Variants in CSMD1 observed in about 807,000 individuals in gnomAD.
CSMD1 encodes CUB and Sushi multiple domains 1.
In CSMD1, 213 loss-of-function variants were observed where a neutral mutation model predicts 417.5. The observed-to-expected ratio is 0.51, with a 90% CI of 0.46 to 0.57. CSMD1 has a LOEUF of 0.57. CSMD1 is among the 20% of genes least tolerant of loss of function. CSMD1 has a pLI of 0.00. For synonymous variants in CSMD1, 2,862 were observed against 1,736.8 expected (o/e 1.65, Z -16.11); for missense variants, 6,923 against 4,529.7 (o/e 1.53, Z -15.17).
intron 46 of CSMD1, among the ~76,000 whole-genome samples, chr8:3,098,890 T>G (rs1393155497): frequency 6.8e-6 from 1 of 146,622 alleles, no homozygotes; most frequent in Non-Finnish European, 1.5e-5. Flanking sequence ...TATACACAAT[T>G]TTTTTTTTTT....
intron 1 of CSMD1, among the ~76,000 whole-genome samples, chr8:4,655,495 G>A (rs1171528918): frequency 2.0e-5 from 3 of 152,242 alleles, no homozygotes; most frequent in East Asian, 3.9e-4. Context: ...TAAAATCTAT[G>A]ATGATCAGAA....
chr8:4,086,556 C>A (rs970275349), intron 3 of CSMD1, among the ~76,000 whole-genome samples: 1 of 152,154 alleles, frequency 6.6e-6, no homozygotes, highest in South Asian at 2.1e-4. Context: ...AAATAGGGCC[C>A]ACAGAGTTAC....
chr8:3,491,201 G>C (rs1221843043), intron 11 of CSMD1, among the ~76,000 whole-genome samples: 2 of 152,124 alleles, frequency 1.3e-5, no homozygotes, highest in Admixed American at 1.3e-4. Context: ...AGCATGGTAG[G>C]TCCACAGGCG....
intron 10 of CSMD1, among the ~76,000 whole-genome samples, chr8:3,522,213 T>C (rs1797538517): frequency 6.6e-6 from 1 of 152,208 alleles, no homozygotes; most frequent in Non-Finnish European, 1.5e-5. Context: ...TTTTTATTAT[T>C]TTATCTTACA....
At chr8:3,636,302 GTACAGGCCGGGAT>G (rs1232911197) in intron 7 of CSMD1, among the ~76,000 whole-genome samples, 1 of 152,132 alleles carries the variant, frequency 6.6e-6, no homozygotes, top group Non-Finnish European at 1.5e-5. Flanking sequence ...TGAGGCTGTT[GTACAGGCCGGGAT>G]TACAGGCATG....
At chr8:4,249,708 G>T (rs887900779) in intron 3 of CSMD1, among the ~76,000 whole-genome samples, 2 of 152,186 alleles carry the variant, frequency 1.3e-5, no homozygotes, top group African/African-American at 2.4e-5. Flanking sequence ...AAAGCTGGAA[G>T]ACTTGGCCTC....
chr8:3,450,611 A>G (rs1211453232), intron 12 of CSMD1, among the ~76,000 whole-genome samples: 1 of 151,656 alleles, frequency 6.6e-6, no homozygotes, highest in Non-Finnish European at 1.5e-5. Context: ...CATGGTTTCC[A>G]GCTTCATCCA....
intron 1 of CSMD1, among the ~76,000 whole-genome samples, chr8:4,734,513 A>T (rs1810100093): frequency 6.6e-6 from 1 of 152,222 alleles, no homozygotes; most frequent in Non-Finnish European, 1.5e-5. Context: ...TCTACAAAAT[A>T]ATAACTGTTG....
At chr8:4,813,639 T>C (rs1206403271) in intron 1 of CSMD1, among the ~76,000 whole-genome samples, 2 of 152,222 alleles carry the variant, frequency 1.3e-5, no homozygotes, top group East Asian at 1.9e-4. Flanking sequence ...TCCAGAGCTG[T>C]AATAACATCA....
At chr8:3,295,992 T>C (rs188593722) in intron 25 of CSMD1, among the ~76,000 whole-genome samples, 4 of 152,076 alleles carry the variant, frequency 2.6e-5, no homozygotes, top group East Asian at 1.9e-4. Context: ...AGGGAAGAGA[T>C]AGGCAAACCA....
At chr8:4,349,116 A>G (rs1278509168) in intron 3 of CSMD1, among the ~76,000 whole-genome samples, 1 of 152,260 alleles carries the variant, frequency 6.6e-6, no homozygotes, top group African/African-American at 2.4e-5. Flanking sequence ...TTTGAAGATA[A>G]GTAAAATTCA....
intron 37 of CSMD1, among the ~76,000 whole-genome samples, chr8:3,177,663 G>T (rs1320100022): frequency 6.6e-6 from 1 of 152,038 alleles, no homozygotes; most frequent in Non-Finnish European, 1.5e-5. Flanking sequence ...TAAAAAAACA[G>T]ATGGGGTAAA....
chr8:3,396,523 G>A, intron 16 of CSMD1, 142 bp from the exon 17 acceptor site: 1 of 600,568 alleles, frequency 1.7e-6, no homozygotes, highest in East Asian at 2.9e-5. Flanking sequence ...CTTAAAACTT[G>A]GGTACAAATA....
Position 3,262,962 on chromosome 8 carries a change from G to A in CSMD1, c.4153+21182C>T, listed in dbSNP as rs542033926. ...AAAAGTTTGTTGTTAATTAAAAGAC[G>A]TAATATTCAAGAAGTATTATGGACA... On this transcript the variant is annotated intron_variant, in intron 26 of 69. Coordinates refer to ENST00000635120, the MANE Select transcript of CSMD1 (RefSeq NM_033225.6). Among the ~76,000 whole-genome samples, 61 of 152,250 alleles carry A rather than the reference G, an allele frequency of 4.0e-4. No homozygotes were observed. The Middle Eastern group carries it at 0.01, about 25-fold the overall frequency.
chr8:3,329,951 A>G (rs1018331000), intron 23 of CSMD1, among the ~76,000 whole-genome samples: 2 of 152,206 alleles, frequency 1.3e-5, no homozygotes, highest in African/African-American at 2.4e-5. Context: ...AACTGTATTA[A>G]TATACAATCA....
chr8:3,761,478 C>T (rs1202075294), intron 5 of CSMD1, among the ~76,000 whole-genome samples: 2 of 148,530 alleles, frequency 1.3e-5, no homozygotes, highest in Non-Finnish European at 3.0e-5. Context: ...TTTCATTCAA[C>T]AGTTCTTTAA....
At chr8:4,711,590 A>G (rs1396415191) in intron 1 of CSMD1, among the ~76,000 whole-genome samples, 1 of 152,176 alleles carries the variant, frequency 6.6e-6, no homozygotes, top group African/African-American at 2.4e-5. Flanking sequence ...ATATATTGGT[A>G]CTAAATTAGA....
chr8:3,249,063 C>T (rs974251373), intron 26 of CSMD1, among the ~76,000 whole-genome samples: 1 of 152,150 alleles, frequency 6.6e-6, no homozygotes, highest in Non-Finnish European at 1.5e-5. Flanking sequence ...GTGCAGCGTA[C>T]AGTGGGTTCT....
chr8:3,549,956 G>A (rs1354147473), intron 10 of CSMD1, among the ~76,000 whole-genome samples: 2 of 152,118 alleles, frequency 1.3e-5, no homozygotes, highest in Non-Finnish European at 2.9e-5. Context: ...AAATAATTAG[G>A]TATCTTGGAT....
Sources: allele counts gnomAD v4.1 joint callset (sites outside exome capture counted in the v4.1 genomes callset), GRCh38; gene constraint gnomAD v4.1.1; transcripts MANE v1.5; gene names NCBI Gene and HGNC (gene_info 2026-07-23, HGNC 2026-07-21).